PBX1: variants seen among roughly 807,000 people sequenced by gnomAD.
PBX1 encodes the protein pre-B-cell leukemia transcription factor 1.
Under a neutral mutation model 53.4 loss-of-function variants are expected in PBX1, and 6 were observed. The observed-to-expected ratio is 0.11, with a 90% confidence interval of 0.06 to 0.22. PBX1 has a LOEUF of 0.22. Among genes scored for constraint, PBX1 ranks in the 10% least tolerant of loss-of-function variants. The pLI is 1.00. For missense variants in PBX1, 251 were observed against 551.4 expected, an observed-to-expected ratio of 0.46 and a Z score of 5.46; for synonymous variants, 204 against 212.3, an observed-to-expected ratio of 0.96 and a Z score of 0.34.
At chr1:164,805,593 G>A (rs180974211) in intron 4 of PBX1, among the ~76,000 whole-genome samples, 6 of 152,246 alleles carry the variant, frequency 3.9e-5, no homozygotes, top group Admixed American at 6.5e-5. Context: ...ATGAAGGAAC[G>A]GAGGCTCTCC....
At chr1:164,640,073 G>A (rs1000405747) in intron 2 of PBX1, among the ~76,000 whole-genome samples, 9 of 152,100 alleles carry the variant, frequency 5.9e-5, no homozygotes, top group Admixed American at 1.3e-4. Flanking sequence ...GAGTCTGAGC[G>A]TTCTAGGTAT....
chr1:164,724,812 T>A (rs567170543), intron 2 of PBX1, among the ~76,000 whole-genome samples: 33 of 151,618 alleles, frequency 2.2e-4, no homozygotes, highest in African/African-American at 7.7e-4. Context: ...CTTTCTTGTA[T>A]TCCTCTTTCA....
At chr1:164,815,342 T>A (rs753649043) in intron 6 of PBX1, 5 of 152,252 alleles carry the variant, frequency 3.3e-5, no homozygotes, top group Non-Finnish European at 5.9e-5. Context: ...GTAGTGGGCT[T>A]ACTGAAGCTC....
intron 2 of PBX1, chr1:164,683,444 A>C (rs1364534797): frequency 2.0e-5 from 3 of 152,196 alleles, no homozygotes; most frequent in African/African-American, 7.2e-5. Context: ...AGCCAGGTAC[A>C]TGTCATTAAT....
intron 8 of PBX1, among the ~76,000 whole-genome samples, chr1:164,824,402 C>T: frequency 6.6e-6 from 1 of 152,326 alleles, no homozygotes; most frequent in Non-Finnish European, 1.5e-5. Flanking sequence ...ACCCTTTATA[C>T]TTACTTCAAG....
At chr1:164,744,883 G>A (rs145298537) in intron 2 of PBX1, among the ~76,000 whole-genome samples, 60 of 152,234 alleles carry the variant, frequency 3.9e-4, no homozygotes, top group Middle Eastern at 3.4e-3. Context: ...CAGTGGTGGG[G>A]GTGGTGGTGG....
intron 2 of PBX1, among the ~76,000 whole-genome samples, chr1:164,625,278 A>T (rs1202365112): frequency 1.3e-5 from 2 of 152,226 alleles, no homozygotes; most frequent in African/African-American, 4.8e-5. Flanking sequence ...GGATAAAGAC[A>T]GTTACAGAGA....
At position 164,708,202 on chromosome 1, in the gene PBX1, C is replaced by T. The variant is rs535960829; in HGVS notation, c.266-84292C>T. On this transcript the variant is annotated intron_variant, in intron 2 of 8. Coordinates refer to ENST00000420696, the MANE Select transcript of PBX1 (RefSeq NM_002585.4). ...ATCCTAGTAAAGCAGGGATAGGAAC[C>T]AGAGTTCCTGGACTGCACGCAGCCT... Among the ~76,000 whole-genome samples, 81 of 152,192 alleles carry T rather than the reference C, an allele frequency of 5.3e-4. No individual in the cohort carries two copies. In the Middle Eastern group the frequency reaches 0.01, roughly 19 times the overall value.
At position 164,846,648 on chromosome 1, in the gene PBX1, G is replaced by T; in HGVS notation, c.1265G>T (p.Gly422Val). The change falls in exon 9 of 9, where the codon GGC (glycine) becomes GTC (valine). Residue 422 changes from glycine to valine, a missense_variant. By Grantham distance (109) the Gly-to-Val change is moderately radical. This residue lies in a region of PBX1 where 92 missense variants were observed against 130.4 expected (regional missense o/e 0.71). Transcript: ENST00000420696. The stretch of plus-strand genomic sequence containing the variant: ...GTGACCTCCCCTACAGAAGGCCCTG[G>T]CAGTGTTCACTCTGATACCTCCAAC... ...SSVTSPTEGP[G>V]SVHSDTSN 1.9e-6 allele frequency: 3 copies of T among 1,614,068 alleles called. No individual in the cohort carries two copies. The highest frequency in any genetic ancestry group is 2.5e-6 in the Non-Finnish European group (3 of 1,179,958).
intron 2 of PBX1, among the ~76,000 whole-genome samples, chr1:164,632,634 G>A (rs1658481912): frequency 6.6e-6 from 1 of 152,126 alleles, no homozygotes; most frequent in Non-Finnish European, 1.5e-5. Context: ...CTATGTGTTT[G>A]GGGTTTTTTC....
chr1:164,864,331 C>G (rs1037261065), intron 2 of PBX1, among the ~76,000 whole-genome samples: 2 of 152,130 alleles, frequency 1.3e-5, no homozygotes, highest in Admixed American at 6.5e-5. Context: ...GTTGTTTCTC[C>G]TTGTGGTCAT....
intron 2 of PBX1, among the ~76,000 whole-genome samples, chr1:164,601,185 G>A (rs1253658436): frequency 2.1e-5 from 3 of 141,620 alleles, no homozygotes; most frequent in African/African-American, 5.4e-5. Context: ...GCAGTGAGCC[G>A]AGATTGTGCC....
In PBX1 at chr1:164,575,769, AT is replaced by A. The variant is rs538433081; in HGVS notation, c.265+12461del. Among the ~76,000 whole-genome samples, 201 of 152,082 alleles carry A rather than the reference AT, an allele frequency of 1.3e-3. 1 individual carries two copies. Among genetic ancestry groups the A allele is most frequent in the African/African-American group, 4.5e-3 (187 of 41,516 alleles). On this transcript the variant is annotated intron_variant, in intron 2 of 8. Coordinates refer to ENST00000420696, the MANE Select transcript of PBX1 (RefSeq NM_002585.4). ...ATGCACCCTGCTTACATTAATAAATATTTAAAAACAAAGAGCGGGTAACACA... is the reference window on the plus strand; with the variant it reads ...ATGCACCCTGCTTACATTAATAAATATTAAAAACAAAGAGCGGGTAACACA...
chr1:164,792,768 C>G, intron 3 of PBX1, 30 bp downstream of exon 3: 1 of 1,534,226 alleles, frequency 6.5e-7, no homozygotes. Context: ...GCTCGGCACC[C>G]AGGCCCTTTA....
At chr1:164,728,330 A>AAG (rs551533075) in intron 2 of PBX1, among the ~76,000 whole-genome samples, 11,963 of 149,394 alleles carry the variant, frequency 0.08, 761 homozygotes, top group African/African-American at 0.17. Flanking sequence ...AAAAAAAAAA[A>AAG]AGAGAGAGAG....
Position 164,846,974 on chromosome 1 carries a change from C to T in PBX1, c.*298C>T, listed in dbSNP as rs964183630. On this transcript the variant is annotated 3_prime_UTR_variant, in exon 9 of 9. Coordinates refer to ENST00000420696, the MANE Select transcript of PBX1 (RefSeq NM_002585.4). ...CTCTGTCCTAGACTCCCGGGGTCCC[C>T]GCCCTCTCTCATATCACTGAAGGAT... is the stretch of plus-strand genomic sequence containing the variant. 7.0e-5 allele frequency: 86 copies of T among 1,227,580 alleles called. No individual in the cohort carries two copies. The highest frequency in any genetic ancestry group is 1.2e-4 in the East Asian group (4 of 32,530). The allele number at this position is 1,227,580 out of a possible 1,614,324, so 76.0% of individuals were successfully genotyped here.
At chr1:164,860,800 C>G (rs1260900231) in intron 2 of PBX1, among the ~76,000 whole-genome samples, 1 of 152,172 alleles carries the variant, frequency 6.6e-6, no homozygotes, top group Admixed American at 6.5e-5. Context: ...GATCCGATCT[C>G]CCTCACATAC....
chr1:164,688,518 C>T (rs1476725749), intron 2 of PBX1, among the ~76,000 whole-genome samples: 1 of 152,142 alleles, frequency 6.6e-6, no homozygotes, highest in Non-Finnish European at 1.5e-5. Flanking sequence ...GGATTTCCAT[C>T]TCTAATCCTT....
chr1:164,786,731 A>G (rs550469212), intron 2 of PBX1, among the ~76,000 whole-genome samples: 3,003 of 142,322 alleles, frequency 0.021, 110 homozygotes, highest in African/African-American at 0.078. Flanking sequence ...GCGCGCGCAC[A>G]CACACACACG....
Sources: allele counts gnomAD v4.1 joint callset (sites outside exome capture counted in the v4.1 genomes callset), GRCh38; gene constraint gnomAD v4.1.1; regional missense constraint gnomAD v4.1.1; transcripts MANE v1.5; gene names NCBI Gene and HGNC (gene_info 2026-07-23, HGNC 2026-07-21).